The following PHF3 variants were observed in gnomAD, a reference collection of about 807,000 sequenced individuals.
PHF3 encodes PHD finger protein 3.
Under a neutral mutation model 178.4 loss-of-function variants are expected in PHF3, and 41 were observed. The ratio of observed to expected loss-of-function variants is 0.23; its 90% CI spans 0.18 to 0.30. The LOEUF (loss-of-function observed/expected upper bound fraction) is 0.30. Ranked by LOEUF, PHF3 falls within the 10% of genes least tolerant of loss-of-function variation. The pLI is 1.00. For missense variants in PHF3, 2,346 were observed against 2,398.1 expected (o/e 0.98, Z 0.45); for synonymous variants, 842 against 800.5 (o/e 1.05, Z -0.88).
chr6:63,695,040 T>C (rs1043288638), intron 6 of PHF3, among the ~76,000 whole-genome samples: 1 of 152,062 alleles, frequency 6.6e-6, no homozygotes, highest in Non-Finnish European at 1.5e-5. Context: ...AGTAAGAAAA[T>C]TGCATGTTAT....
At chr6:63,641,083 C>G (rs1220218522) in intron 1 of PHF3, among the ~76,000 whole-genome samples, 2 of 152,218 alleles carry the variant, frequency 1.3e-5, no homozygotes, top group Admixed American at 6.5e-5. Flanking sequence ...GTAGTTTGTT[C>G]TTCTACTGCT....
chr6:63,692,135 T>A, intron 5 of PHF3, 92 bp downstream of exon 5: 1 of 902,970 alleles, frequency 1.1e-6, no homozygotes, highest in Non-Finnish European at 1.6e-6. Context: ...TTAGAAGTTT[T>A]AATGTTCTTT....
At chr6:63,701,680 T>C (rs953370577) in intron 9 of PHF3, among the ~76,000 whole-genome samples, 6 of 152,198 alleles carry the variant, frequency 3.9e-5, no homozygotes, top group Non-Finnish European at 8.8e-5. Flanking sequence ...ATTTGACATA[T>C]CATACTTCTT....
Position 63,684,237 on chromosome 6 carries a change from G to A in PHF3, c.515G>A (p.Gly172Glu), listed in dbSNP as rs1490011219. ...SGKTVSTAKA[G>E]VKQPERSQVK... ...AAGACTGTATCTACTGCTAAAGCAGGAGTGAAACAACCAGAAAGGAGTCAG... is the reference window on the plus strand; with the variant it reads ...AAGACTGTATCTACTGCTAAAGCAGAAGTGAAACAACCAGAAAGGAGTCAG... The change falls in exon 4 of 16, where the codon GGA (glycine) becomes GAA (glutamate). Residue 172 changes from glycine (G) to glutamate (E), a missense_variant. Physicochemically the swap from Gly to Glu is moderately conservative, Grantham distance 98. Around this residue, in one of 8 missense-constraint regions of PHF3, gnomAD observed 843 missense variants for 795.2 expected, o/e 1.06. Transcript: ENST00000262043. 1 of 1,614,010 alleles carries A rather than the reference G, an allele frequency of 6.2e-7. No individual in the cohort carries two copies. The highest frequency in any genetic ancestry group is 8.5e-7 in the Non-Finnish European group (1 of 1,179,892).
In PHF3 at chr6:63,714,618, T is replaced by A. The variant is rs1462553498; in HGVS notation, c.*910T>A. ...AAAACAATTTTTTTAAAATCTTAAA[T>A]TGTAGGCTGAGATGAATTGTGTAGT... On this transcript the variant is annotated 3_prime_UTR_variant, in exon 16 of 16. Transcript: ENST00000262043. 6.6e-6 allele frequency: 1 copy of A among 152,348 alleles called. No individual in the cohort carries two copies. Among genetic ancestry groups the A allele is most frequent in the Non-Finnish European group, 1.5e-5 (1 of 67,994 alleles). The allele number at this position is 152,348 out of a possible 1,614,324, so 9.4% of individuals were successfully genotyped here.
intron 11 of PHF3, among the ~76,000 whole-genome samples, chr6:63,704,139 T>A (rs527826404): frequency 1.3e-5 from 2 of 152,240 alleles, no homozygotes; most frequent in South Asian, 4.1e-4. Context: ...GTTACAGAGA[T>A]TTCTCACATA....
chr6:63,687,878 G>A (rs914524101), intron 4 of PHF3, among the ~76,000 whole-genome samples: 3 of 152,172 alleles, frequency 2.0e-5, no homozygotes, highest in African/African-American at 7.2e-5. Flanking sequence ...AGAATGTCAG[G>A]TGCATAGAGA....
Position 63,721,326 on chromosome 6 carries a change from A to G in PHF3, c.*7618A>G. On this transcript the variant is annotated 3_prime_UTR_variant, in exon 16 of 16. Coordinates refer to ENST00000262043, the MANE Select transcript of PHF3 (RefSeq NM_001370348.2). The stretch of plus-strand genomic sequence containing the variant: ...ACATGTATTTCCAGCCCAATCTGGC[A>G]AACATCTGCAAGAAAAAGTTGTGCC... The G allele has an allele frequency of 6.4e-7, 1 of 1,552,022 alleles. No homozygotes were observed. Among genetic ancestry groups the G allele is most frequent in the Non-Finnish European group, 8.7e-7 (1 of 1,147,008 alleles).
chr6:63,718,745 G>T lies in PHF3; in HGVS notation c.*5037G>T, dbSNP rs1418963838. On this transcript the variant is annotated 3_prime_UTR_variant, in exon 16 of 16. Transcript: ENST00000262043. ...TGGGAAGTGCTATTTTAAAGAAAAG[G>T]CACACTTTATTATGAGAGAACACAT... 6.6e-6 allele frequency among the ~76,000 whole-genome samples: 1 copy of T among 151,992 alleles called. No homozygotes were observed. The highest frequency in any genetic ancestry group is 1.5e-5 in the Non-Finnish European group (1 of 67,940).
intron 2 of PHF3, among the ~76,000 whole-genome samples, chr6:63,655,537 C>G (rs897259658): frequency 5.3e-5 from 8 of 152,032 alleles, no homozygotes; most frequent in African/African-American, 1.7e-4. Flanking sequence ...AAGGTCTGTT[C>G]CAAACTAAAT....
rs756262403 is a variant in PHF3, at chr6:63,685,427, A to G, written c.1705A>G (p.Lys569Glu). Residue 569 changes from lysine to glutamate, a missense_variant, in exon 4 of 16, where the codon AAA becomes GAA. By Grantham distance (56) the Lys-to-Glu change is moderately conservative. Transcript: ENST00000262043. ...QSCNSGVKSVKNQAHSVLKKT... is the reference protein window; with the variant it reads ...QSCNSGVKSVENQAHSVLKKT... ...TTGCAATTCTGGGGTTAAATCTGTG[A>G]AAAACCAAGCTCATTCTGTACTGAA... The G allele has an allele frequency of 1.2e-6, 2 of 1,614,094 alleles. No homozygotes were observed. The highest frequency in any genetic ancestry group is 1.7e-6 in the Non-Finnish European group (2 of 1,179,996).
At chr6:63,646,356 C>G (rs1046991359) in intron 1 of PHF3, among the ~76,000 whole-genome samples, 171 bp from the exon 2 acceptor site, 1 of 151,746 alleles carries the variant, frequency 6.6e-6, no homozygotes, top group African/African-American at 2.4e-5. Flanking sequence ...AAGATTCGTT[C>G]TACATTTCCA....
intron 2 of PHF3, among the ~76,000 whole-genome samples, chr6:63,674,861 G>A (rs1318564620): frequency 3.3e-5 from 5 of 152,090 alleles, no homozygotes; most frequent in Admixed American, 3.3e-4. Flanking sequence ...CATAATTAAC[G>A]CATTCCAAAT....
chr6:63,636,218 G>A, intron 1 of PHF3, 68 bp downstream of exon 1: 1 of 343,490 alleles, frequency 2.9e-6, no homozygotes. Flanking sequence ...CCTTCCACAC[G>A]CACAGCGCCT....
intron 8 of PHF3, among the ~76,000 whole-genome samples, chr6:63,699,914 T>A (rs1332610629): frequency 6.6e-6 from 1 of 152,140 alleles, no homozygotes. Context: ...TCAGGTTTCT[T>A]TCTTGCAGGT....
At chr6:63,638,872 T>G (rs1234653163) in intron 1 of PHF3, among the ~76,000 whole-genome samples, 1 of 152,154 alleles carries the variant, frequency 6.6e-6, no homozygotes, top group Non-Finnish European at 1.5e-5. Context: ...TCAAAAAATA[T>G]TCTTTAATTG....
Position 63,685,023 on chromosome 6 carries a change from A to T in PHF3, c.1301A>T (p.Asn434Ile), listed in dbSNP as rs760718754. 1 of 1,614,130 alleles carries T rather than the reference A, an allele frequency of 6.2e-7. No individual in the cohort carries two copies. The highest frequency in any genetic ancestry group is 8.5e-7 in the Non-Finnish European group (1 of 1,179,998). Residue 434 changes from asparagine (N) to isoleucine (I), a missense_variant, in exon 4 of 16, where the codon AAT becomes ATT. Asn to Ile is a moderately radical substitution (Grantham distance 149). Around this residue, in one of 8 missense-constraint regions of PHF3, gnomAD observed 843 missense variants for 795.2 expected, o/e 1.06. Coordinates refer to ENST00000262043, the MANE Select transcript of PHF3 (RefSeq NM_001370348.2). ...ACTAGTACTTTTGGACCGGAAAGTA[A>T]TATCTTGGAAAATGCTATTTGTGAT... ...VDTSTFGPES[N>I]ILENAICDVP...
intron 2 of PHF3, among the ~76,000 whole-genome samples, chr6:63,649,522 G>T (rs1015864286): frequency 1.6e-4 from 25 of 152,038 alleles, no homozygotes; most frequent in Admixed American, 1.6e-3. Flanking sequence ...CATCTTTTCT[G>T]TTATGATGAA....
rs1243500338 is a variant in PHF3, at chr6:63,685,771, A to G, written c.2049A>G (p.Leu683=). Residue 683 remains leucine, a synonymous_variant, in exon 4 of 16, where the codon TTA becomes TTG. Transcript: ENST00000262043. The part of the protein sequence containing the change: ...RQRRSSKSFS[L]DEPPLFIPDN... The stretch of plus-strand genomic sequence containing the variant: ...GAAGAAGCAGCAAAAGTTTTTCTTT[A>G]GATGAGCCACCATTGTTCATTCCAG... 6 of 1,614,146 alleles carry G rather than the reference A, an allele frequency of 3.7e-6. No homozygotes were observed. Among genetic ancestry groups the G allele is most frequent in the Non-Finnish European group, 5.1e-6 (6 of 1,180,040 alleles).
Sources: gnomAD v4.1 joint callset for allele counts (sites outside exome capture counted in the v4.1 genomes callset) on GRCh38, gnomAD v4.1.1 for gene constraint, gnomAD v4.1.1 regional missense constraint, MANE v1.5 for transcripts, NCBI Gene and HGNC (gene_info 2026-07-23, HGNC 2026-07-21) for gene names.